XKR4: variants seen among roughly 807,000 people sequenced by gnomAD.
XKR4 encodes XK-related protein 4.
XKR4 carries 12 observed loss-of-function variants against 53.9 expected under a neutral mutation model. That is an observed-to-expected ratio of 0.22 (90% CI 0.14 to 0.36). XKR4 has a LOEUF of 0.36. XKR4 is among the 10% of genes least tolerant of loss of function. XKR4 has a pLI of 1.00. For missense variants in XKR4, 799 were observed against 859.5 expected (o/e 0.93, Z 0.88); for synonymous variants, 354 against 362.4 (o/e 0.98, Z 0.26).
intron 1 of XKR4, among the ~76,000 whole-genome samples, chr8:55,157,338 A>G (rs1009786206): frequency 2.0e-5 from 3 of 152,238 alleles, no homozygotes. Context: ...TAAAGAAATT[A>G]TGATAAAGAG....
At chr8:55,459,441 AAATTTT>A (rs966653340) in intron 2 of XKR4, among the ~76,000 whole-genome samples, 1 of 152,146 alleles carries the variant, frequency 6.6e-6, no homozygotes, top group African/African-American at 2.4e-5. Context: ...AACTTCATAA[AAATTTT>A]AAAAATCTGC....
rs78643224 is a variant in XKR4 at position 55,114,509 on chromosome 8, G to A, written c.806+11215G>A. Among the ~76,000 whole-genome samples, 9 of 152,216 alleles carry A rather than the reference G, an allele frequency of 5.9e-5. No individual in the cohort carries two copies. The East Asian group carries it at 1.7e-3, about 29-fold the overall frequency. On this transcript the variant is annotated intron_variant, in intron 1 of 2. Transcript: ENST00000327381. ...GCCAAAGCACATCATCACAAATGGG[G>A]CCAAAACACATCATCCCAACCCTGG...
chr8:55,296,744 G>C (rs1439408658), intron 1 of XKR4, among the ~76,000 whole-genome samples: 1 of 152,110 alleles, frequency 6.6e-6, no homozygotes, highest in African/African-American at 2.4e-5. Context: ...GACCAGAGGA[G>C]ACCCTAAGAT....
At chr8:55,250,099 G>T (rs1408782685) in intron 1 of XKR4, among the ~76,000 whole-genome samples, 1 of 152,068 alleles carries the variant, frequency 6.6e-6, no homozygotes, top group African/African-American at 2.4e-5. Flanking sequence ...ATTGTTCAAA[G>T]TCATTTGTAA....
rs1003817432 is a variant in XKR4 at position 55,435,957 on chromosome 8, T to A, written c.1006+78080T>A. Among the ~76,000 whole-genome samples, 10 of 152,106 alleles carry A rather than the reference T, an allele frequency of 6.6e-5. No individual in the cohort carries two copies. The South Asian group carries it at 8.3e-4, about 13-fold the overall frequency. On this transcript the variant is annotated intron_variant, in intron 2 of 2. Transcript: ENST00000327381. ...TCCATCTGAAGACGGAAAGACACAT[T>A]CCCTGCAACATTTTCTGCACAGTGA...
chr8:55,457,146 C>CTTTTTTTTTTTTT (rs1554527639), intron 2 of XKR4, among the ~76,000 whole-genome samples: 17 of 137,236 alleles, frequency 1.2e-4, no homozygotes, highest in African/African-American at 4.5e-4. Flanking sequence ...TTTTCCTTTT[C>CTTTTTTTTTTTTT]TTTTTTTTTT....
intron 2 of XKR4, among the ~76,000 whole-genome samples, chr8:55,377,645 A>G (rs150666255): frequency 2.3e-4 from 35 of 152,108 alleles, no homozygotes; most frequent in Non-Finnish European, 1.6e-4. Context: ...GAAGGAAAAA[A>G]CCTGAACAAC....
At chr8:55,342,594 C>G (rs1453602301) in intron 1 of XKR4, among the ~76,000 whole-genome samples, 1 of 152,158 alleles carries the variant, frequency 6.6e-6, no homozygotes, top group African/African-American at 2.4e-5. Flanking sequence ...ACTCATCTCC[C>G]TGATGCTCCT....
Position 55,139,512 on chromosome 8 carries a change from C to CAA in XKR4, c.806+36232_806+36233dup, listed in dbSNP as rs5891559. Reference sequence around the variant, plus strand: ...TGGGTGACAGAGCAAGACTCCGTCTCAAAAAAAAAAAAAAAGAGTGCTGGC... The same window carrying CAA: ...TGGGTGACAGAGCAAGACTCCGTCTCAAAAAAAAAAAAAAAAAGAGTGCTGGC... On this transcript the variant is annotated intron_variant, in intron 1 of 2. Transcript: ENST00000327381. Among the ~76,000 whole-genome samples the CAA allele has an allele frequency of 6.7e-3, 763 of 114,430 alleles. 23 individuals are homozygous for CAA. The highest frequency in any genetic ancestry group is 0.023 in the South Asian group (86 of 3,712). The allele number at this position is 114,430 out of a possible 152,430, so 75.1% of individuals were successfully genotyped here. A position where few individuals can be genotyped will look rare whatever the true frequency, so the allele number is the denominator to read the frequency against.
intron 1 of XKR4, among the ~76,000 whole-genome samples, chr8:55,257,753 A>T (rs564635668): frequency 2.0e-5 from 3 of 152,358 alleles, no homozygotes; most frequent in South Asian, 2.1e-4. Flanking sequence ...TTCACTCTCA[A>T]ATAAAGGAAA....
At chr8:55,201,499 T>G (rs1450947558) in intron 1 of XKR4, among the ~76,000 whole-genome samples, 1 of 152,150 alleles carries the variant, frequency 6.6e-6, no homozygotes, top group Non-Finnish European at 1.5e-5. Flanking sequence ...CTGGGAAAAT[T>G]GAGACCCAGA....
chr8:55,452,383 G>T (rs1563354167), intron 2 of XKR4: 2 of 629,602 alleles, frequency 3.2e-6, no homozygotes, highest in Middle Eastern at 2.7e-4. Flanking sequence ...AAGATGACCC[G>T]GTACGTAGTG....
At chr8:55,434,480 TA>T (rs1805147361) in intron 2 of XKR4, among the ~76,000 whole-genome samples, 1 of 151,824 alleles carries the variant, frequency 6.6e-6, no homozygotes, top group Non-Finnish European at 1.5e-5. Flanking sequence ...AGATATTAGT[TA>T]ATTGGATAAA....
rs71256520 is a variant in XKR4, at chr8:55,217,738, TTAGATAGATAGATAGATAGA to T, written c.806+114475_806+114494del. On this transcript the variant is annotated intron_variant, in intron 1 of 2. Transcript: ENST00000327381. ...AGTTCAAAATACATAGGAAGACAGATTAGATAGATAGATAGATAGATAGATAGATAGATAGATAGATAGAT... is the reference window on the plus strand; with the variant it reads ...AGTTCAAAATACATAGGAAGACAGATTAGATAGATAGATAGATAGATAGAT... 1.5e-3 allele frequency among the ~76,000 whole-genome samples: 229 copies of T among 149,360 alleles called. 1 individual carries two copies. The highest frequency in any genetic ancestry group is 6.8e-3 in the Middle Eastern group (2 of 292).
chr8:55,462,105 A>G (rs181567355), intron 2 of XKR4, among the ~76,000 whole-genome samples: 1 of 152,214 alleles, frequency 6.6e-6, no homozygotes, highest in Admixed American at 6.5e-5. Context: ...CAACATTCAA[A>G]TTCAGAAAAT....
At chr8:55,515,952 C>A (rs192051817) in intron 2 of XKR4, among the ~76,000 whole-genome samples, 7 of 152,298 alleles carry the variant, frequency 4.6e-5, no homozygotes, top group Admixed American at 6.5e-5. Flanking sequence ...GTAACCATAC[C>A]AATCCATTGT....
At chr8:55,303,563 G>A (rs1464084285) in intron 1 of XKR4, among the ~76,000 whole-genome samples, 1 of 152,224 alleles carries the variant, frequency 6.6e-6, no homozygotes, top group Non-Finnish European at 1.5e-5. Context: ...AATAGTTTCA[G>A]AAGGAATGGT....
intron 2 of XKR4, among the ~76,000 whole-genome samples, chr8:55,376,350 G>A (rs1011099554): frequency 5.9e-5 from 9 of 152,130 alleles, no homozygotes; most frequent in African/African-American, 1.2e-4. Context: ...CACCAACAAC[G>A]TAAAAGCATT....
intron 2 of XKR4, among the ~76,000 whole-genome samples, chr8:55,499,266 T>C (rs1432010563): frequency 6.6e-6 from 1 of 152,140 alleles, no homozygotes; most frequent in Non-Finnish European, 1.5e-5. Flanking sequence ...AAGGTGACAT[T>C]ATCATTATTT....
Sources: allele counts gnomAD v4.1 joint callset (sites outside exome capture counted in the v4.1 genomes callset), GRCh38; gene constraint gnomAD v4.1.1; transcripts MANE v1.5; gene names NCBI Gene and HGNC (gene_info 2026-07-23, HGNC 2026-07-21).